The following TBPL1 variants were observed in gnomAD, a reference collection of about 807,000 sequenced individuals.
The protein encoded by TBPL1 is TATA box-binding protein-like 1.
Under a neutral mutation model 22.1 loss-of-function variants are expected in TBPL1, and 4 were observed. That is an observed-to-expected ratio of 0.18 (90% CI 0.09 to 0.41). The LOEUF (loss-of-function observed/expected upper bound fraction) is 0.41, where lower values mean the gene tolerates loss of function less well. Ranked by LOEUF, TBPL1 falls within the 10% of genes least tolerant of loss-of-function variation. TBPL1 has a pLI of 1.00. For synonymous variants in TBPL1, 64 were observed against 71.0 expected (o/e 0.90, Z 0.50); for missense variants, 115 against 222.3 (o/e 0.52, Z 3.07).
In TBPL1 at chr6:133,984,580, C is replaced by T. The variant is rs764284095; in HGVS notation, c.390C>T (p.Tyr130=). ...AATTGTGGCTTATTTTGTGTAGTTA[C>T]GAACCTGAACTTCATCCTGCTGTGT... The part of the protein sequence containing the change: ...FTKNNRPHAS[Y]EPELHPAVCY... The change falls in exon 6 of 7, where the codon TAC becomes TAT. Residue 130 remains tyrosine, a synonymous_variant. Transcript: ENST00000237264. 1.1e-5 allele frequency: 17 copies of T among 1,612,944 alleles called. No homozygotes were observed. The Middle Eastern group carries it at 5.0e-4, about 48-fold the overall frequency.
chr6:133,983,902 C>A lies in TBPL1; in HGVS notation c.283-474C>A, dbSNP rs535326451. 1.3e-5 allele frequency among the ~76,000 whole-genome samples: 2 copies of A among 152,280 alleles called. 1 individual carries two copies. The highest frequency in any genetic ancestry group is 4.1e-4 in the South Asian group (2 of 4,832). On this transcript the variant is annotated intron_variant, in intron 4 of 6. Transcript: ENST00000237264. ...CTATCCCCAGAAAGAAAATAAACATCTAGCTAATCTCACAGAAATGTCATT... is the reference window on the plus strand; with the variant it reads ...CTATCCCCAGAAAGAAAATAAACATATAGCTAATCTCACAGAAATGTCATT...
intron 1 of TBPL1, among the ~76,000 whole-genome samples, chr6:133,976,355 A>G (rs539893098): frequency 1.3e-5 from 2 of 152,340 alleles, no homozygotes. Flanking sequence ...ATGTTGAGTC[A>G]TGGGAATATA....
chr6:133,977,604 TTTC>T (rs997970441), intron 1 of TBPL1, among the ~76,000 whole-genome samples: 1 of 152,192 alleles, frequency 6.6e-6, no homozygotes. Flanking sequence ...TCGCATGAAG[TTTC>T]TTCTTCAGTA....
chr6:133,979,987 A>T (rs977896981), intron 1 of TBPL1, 95 bp from the exon 2 acceptor site: 1 of 957,188 alleles, frequency 1.0e-6, no homozygotes, highest in East Asian at 3.2e-5. Flanking sequence ...AAAAATAAAT[A>T]ATATAGATTC....
chr6:133,960,027 A>G (rs1328410746), intron 1 of TBPL1, among the ~76,000 whole-genome samples: 1 of 152,180 alleles, frequency 6.6e-6, no homozygotes, highest in African/African-American at 2.4e-5. Context: ...GTGAGCCGCA[A>G]GCGTTTTTCC....
chr6:133,970,417 G>A (rs1411183360), intron 1 of TBPL1, among the ~76,000 whole-genome samples: 1 of 152,098 alleles, frequency 6.6e-6, no homozygotes, highest in Non-Finnish European at 1.5e-5. Context: ...CTAAGTTTAT[G>A]TGTATATGTG....
intron 1 of TBPL1, among the ~76,000 whole-genome samples, chr6:133,962,266 G>C (rs1002742524): frequency 1.3e-5 from 2 of 152,194 alleles, no homozygotes; most frequent in Admixed American, 6.5e-5. Context: ...TCTTCAGATA[G>C]GGAGACAATT....
intron 1 of TBPL1, among the ~76,000 whole-genome samples, chr6:133,974,587 A>G (rs1776281593): frequency 6.6e-6 from 1 of 152,232 alleles, no homozygotes; most frequent in Non-Finnish European, 1.5e-5. Flanking sequence ...TTGCCCTCCC[A>G]AAGTGCTGGG....
intron 1 of TBPL1, among the ~76,000 whole-genome samples, chr6:133,974,789 T>C (rs1311833362): frequency 2.6e-5 from 4 of 152,266 alleles, no homozygotes; most frequent in Non-Finnish European, 5.9e-5. Context: ...CGTTTGATAT[T>C]TGCCAATATA....
At chr6:133,959,555 C>T (rs952144333) in intron 1 of TBPL1, among the ~76,000 whole-genome samples, 3 of 152,146 alleles carry the variant, frequency 2.0e-5, no homozygotes, top group African/African-American at 7.2e-5. Flanking sequence ...GATCTCGGCT[C>T]ACTGCAACCT....
intron 1 of TBPL1, among the ~76,000 whole-genome samples, chr6:133,955,834 T>C (rs920673064): frequency 9.2e-5 from 14 of 152,208 alleles, no homozygotes; most frequent in African/African-American, 3.1e-4. Flanking sequence ...AATTATATTC[T>C]GCCAAATTTG....
At chr6:133,984,715 A>C in intron 6 of TBPL1, 44 bp downstream of exon 6, 1 of 1,442,364 alleles carries the variant, frequency 6.9e-7, no homozygotes, top group East Asian at 2.3e-5. Context: ...TATGGATTGA[A>C]TGATACAAGA....
chr6:133,971,763 T>G (rs1398676899), intron 1 of TBPL1, among the ~76,000 whole-genome samples: 1 of 152,188 alleles, frequency 6.6e-6, no homozygotes, highest in African/African-American at 2.4e-5. Flanking sequence ...GGTGTTTTGC[T>G]TATTTTTTAA....
At chr6:133,952,558 C>A (rs1775851056), upstream of TBPL1, 1 of 152,382 alleles carries the variant, frequency 6.6e-6, no homozygotes, top group South Asian at 2.1e-4. The surrounding 1 kb of genome is among the most constrained non-coding windows in gnomAD (Gnocchi z 4.5). Flanking sequence ...CTCCCCACTT[C>A]CTTCCCTCCG....
At chr6:133,965,279 G>A (rs1240612220) in intron 1 of TBPL1, among the ~76,000 whole-genome samples, 1 of 152,034 alleles carries the variant, frequency 6.6e-6, no homozygotes, top group Non-Finnish European at 1.5e-5. Flanking sequence ...TAAAATTATA[G>A]TCCGTAATAT....
chr6:133,972,678 G>GTGTT lies in TBPL1; in HGVS notation c.-44-7378_-44-7375dup, dbSNP rs66508723. 4.0e-3 allele frequency among the ~76,000 whole-genome samples: 599 copies of GTGTT among 151,020 alleles called. 3 individuals carry two copies. Among genetic ancestry groups the GTGTT allele is most frequent in the East Asian group, 0.023 (117 of 5,130 alleles). ...CCTTGCCTAACCTATTATGATCTTGGTGTTTGTTTGTTTGTTTGTTTGTTT... is the reference window on the plus strand; with the variant it reads ...CCTTGCCTAACCTATTATGATCTTGGTGTTTGTTTGTTTGTTTGTTTGTTTGTTT... On this transcript the variant is annotated intron_variant, in intron 1 of 6. Coordinates refer to ENST00000237264, the MANE Select transcript of TBPL1 (RefSeq NM_004865.4).
intron 2 of TBPL1, among the ~76,000 whole-genome samples, chr6:133,980,829 A>T (rs987546673): frequency 1.3e-5 from 2 of 151,930 alleles, no homozygotes; most frequent in Admixed American, 6.5e-5. Flanking sequence ...GGATGTCATT[A>T]TAAACCAAAG....
intron 1 of TBPL1, among the ~76,000 whole-genome samples, chr6:133,966,718 T>A (rs988980734): frequency 3.3e-5 from 5 of 152,138 alleles, no homozygotes; most frequent in African/African-American, 1.2e-4. Flanking sequence ...CTGCAGTCAT[T>A]CTCCATCTCC....
At chr6:133,985,768 T>C (rs1264679157) in intron 6 of TBPL1, 1 of 152,200 alleles carries the variant, frequency 6.6e-6, no homozygotes, top group Non-Finnish European at 1.5e-5. Context: ...TAGTTTTGAC[T>C]CATCCCATGG....
Sources: allele counts gnomAD v4.1 joint callset (sites outside exome capture counted in the v4.1 genomes callset), GRCh38; gene constraint gnomAD v4.1.1; non-coding constraint Gnocchi (gnomAD v3.1); transcripts MANE v1.5; gene names NCBI Gene and HGNC (gene_info 2026-07-23, HGNC 2026-07-21).